POLR3G: variants seen among roughly 807,000 people sequenced by gnomAD.
POLR3G encodes RNA polymerase III subunit G, also known as DNA-directed RNA polymerase III subunit RPC7.
POLR3G carries 28 observed loss-of-function variants against 30.1 expected under a neutral mutation model. That is an observed-to-expected ratio of 0.93 (90% CI 0.69 to 1.27). POLR3G has a LOEUF of 1.27. Ranked by LOEUF, POLR3G falls within the 50% of genes most tolerant of loss-of-function variation. The pLI is 0.00. For missense variants in POLR3G, 254 were observed against 264.6 expected, an observed-to-expected ratio of 0.96 and a Z score of 0.28; for synonymous variants, 79 against 82.5, an observed-to-expected ratio of 0.96 and a Z score of 0.23.
intron 4 of POLR3G, among the ~76,000 whole-genome samples, chr5:90,496,793 T>A (rs1241093734): frequency 6.6e-6 from 1 of 152,216 alleles, no homozygotes; most frequent in Non-Finnish European, 1.5e-5. Flanking sequence ...ATTATAGTAC[T>A]ATCTTTTCAG....
chr5:90,473,948 C>T (rs768803835), upstream of POLR3G: 36 of 1,603,198 alleles, frequency 2.2e-5, no homozygotes, highest in Non-Finnish European at 3.0e-5. Context: ...AGGTCACGGT[C>T]TCAAAGTTGT....
intron 6 of POLR3G, 76 bp downstream of exon 6, chr5:90,502,064 C>A: frequency 8.5e-6 from 13 of 1,535,554 alleles, no homozygotes; most frequent in Non-Finnish European, 1.1e-5. Flanking sequence ...CTGTTTCAAC[C>A]TTTCAGCATT....
chr5:90,491,423 T>C (rs1751720197), intron 3 of POLR3G, among the ~76,000 whole-genome samples: 1 of 152,198 alleles, frequency 6.6e-6, no homozygotes, highest in African/African-American at 2.4e-5. Flanking sequence ...ATGGAAATTA[T>C]ACATTTACTT....
Position 90,507,555 on chromosome 5 carries a change from T to C in POLR3G, c.585+881T>C, listed in dbSNP as rs528723541. ...CTCGTTGATTTTGAAATTCTTCTGG[T>C]ATCAGCTATTAGATTCTCATTTCTA... On this transcript the variant is annotated intron_variant, in intron 7 of 7. Transcript: ENST00000651687. 2.6e-5 allele frequency among the ~76,000 whole-genome samples: 4 copies of C among 152,344 alleles called. No individual in the cohort carries two copies. In the East Asian group the frequency reaches 7.7e-4, roughly 29 times the overall value.
intron 3 of POLR3G, chr5:90,490,745 C>A (rs372068040): frequency 1.6e-5 from 4 of 256,790 alleles, no homozygotes; most frequent in East Asian, 1.1e-4. Flanking sequence ...AAAAAACACA[C>A]GCATGTTAAA....
chr5:90,473,959 C>G (rs762038395), upstream of POLR3G: 4 of 1,600,584 alleles, frequency 2.5e-6, no homozygotes, highest in Non-Finnish European at 3.4e-6. Flanking sequence ...TCAAAGTTGT[C>G]CCCGCGAGCC....
intron 1 of POLR3G, among the ~76,000 whole-genome samples, chr5:90,477,520 A>G (rs1299356696): frequency 6.6e-6 from 1 of 152,206 alleles, no homozygotes; most frequent in Non-Finnish European, 1.5e-5. Flanking sequence ...CAGAGCTGGT[A>G]AACCTCTACT....
At chr5:90,504,341 A>G (rs1027161586) in intron 6 of POLR3G, among the ~76,000 whole-genome samples, 6 of 151,272 alleles carry the variant, frequency 4.0e-5, no homozygotes, top group Admixed American at 6.6e-5. Flanking sequence ...CGGGTGGATC[A>G]TGAGGTCAGG....
At chr5:90,487,908 C>T in intron 2 of POLR3G, 92 bp from the exon 3 acceptor site, 1 of 1,028,994 alleles carries the variant, frequency 9.7e-7, no homozygotes, top group Admixed American at 3.5e-5. Context: ...CATAGTATTT[C>T]AATAAAACTG....
chr5:90,511,437 A>G (rs1396123675), intron 7 of POLR3G, among the ~76,000 whole-genome samples: 2 of 152,166 alleles, frequency 1.3e-5, no homozygotes, highest in Non-Finnish European at 2.9e-5. Flanking sequence ...TGATTGTAAG[A>G]TACTGGAGGC....
chr5:90,495,615 TG>T, intron 3 of POLR3G, 61 bp from the exon 4 acceptor site: 3 of 1,566,232 alleles, frequency 1.9e-6, no homozygotes, highest in Non-Finnish European at 2.6e-6. Context: ...CTTAAAGGAA[TG>T]GCTTAAGTTC....
At chr5:90,505,373 C>T (rs1173292862) in intron 6 of POLR3G, among the ~76,000 whole-genome samples, 2 of 152,008 alleles carry the variant, frequency 1.3e-5, no homozygotes, top group Non-Finnish European at 2.9e-5. Context: ...ATCATATGTG[C>T]AAATTGAGCA....
intron 1 of POLR3G, among the ~76,000 whole-genome samples, chr5:90,479,779 A>C (rs917961547): frequency 6.6e-6 from 1 of 152,150 alleles, no homozygotes; most frequent in Admixed American, 6.5e-5. Flanking sequence ...TCAAGACATG[A>C]CTATAGTGAG....
intron 1 of POLR3G, among the ~76,000 whole-genome samples, chr5:90,477,624 C>T (rs1750900406): frequency 2.0e-5 from 3 of 152,196 alleles, no homozygotes; most frequent in Admixed American, 2.0e-4. Flanking sequence ...CGTGACTTGA[C>T]TTTCACTGCC....
chr5:90,498,291 T>C (rs1752085194), intron 5 of POLR3G, among the ~76,000 whole-genome samples: 1 of 152,196 alleles, frequency 6.6e-6, no homozygotes, highest in African/African-American at 2.4e-5. Flanking sequence ...TTTTAAATGT[T>C]TTATCTTTTT....
intron 6 of POLR3G, 141 bp from the exon 7 acceptor site, chr5:90,506,387 A>G: frequency 8.5e-7 from 1 of 1,182,688 alleles, no homozygotes; most frequent in South Asian, 2.2e-5. Flanking sequence ...GAGTTGACTC[A>G]TAGTTTCCTA....
At chr5:90,485,140 T>TA (rs1751370944) in intron 1 of POLR3G, among the ~76,000 whole-genome samples, 1 of 152,182 alleles carries the variant, frequency 6.6e-6, no homozygotes, top group Non-Finnish European at 1.5e-5. Context: ...TTTAAAGTCT[T>TA]AAAGTATATA....
intron 2 of POLR3G, among the ~76,000 whole-genome samples, chr5:90,486,369 T>C (rs1364657998): frequency 6.6e-6 from 1 of 152,198 alleles, no homozygotes; most frequent in Non-Finnish European, 1.5e-5. Context: ...AAAAACAAGC[T>C]CTTTTCCATG....
intron 1 of POLR3G, among the ~76,000 whole-genome samples, chr5:90,484,007 T>C (rs1751283132): frequency 1.3e-5 from 2 of 152,172 alleles, no homozygotes; most frequent in Non-Finnish European, 2.9e-5. Flanking sequence ...TACTCCTTAG[T>C]AGCTAAGACT....
Sources: gnomAD v4.1 joint callset for allele counts (sites outside exome capture counted in the v4.1 genomes callset) on GRCh38, gnomAD v4.1.1 for gene constraint, MANE v1.5 for transcripts, NCBI Gene and HGNC (gene_info 2026-07-23, HGNC 2026-07-21) for gene names.